Variants in SLC10A1 observed in about 807,000 individuals in gnomAD.
SLC10A1 encodes hepatic sodium/bile acid cotransporter.
In SLC10A1, 36 loss-of-function variants were observed where a neutral mutation model predicts 20.5. That is an observed-to-expected ratio of 1.75 (90% CI 1.34 to 2.32). The LOEUF (loss-of-function observed/expected upper bound fraction) is 2.32. SLC10A1 is among the 30% of genes most tolerant of loss of function. The pLI, the probability that SLC10A1 is intolerant of heterozygous loss-of-function variation, is 0.00. For synonymous variants in SLC10A1, 188 were observed against 163.6 expected (o/e 1.15, Z -1.14); for missense variants, 545 against 439.1 (o/e 1.24, Z -2.16).
At chr14:69,795,982 G>C (rs987076191) in intron 1 of SLC10A1, among the ~76,000 whole-genome samples, 3 of 152,178 alleles carry the variant, frequency 2.0e-5, no homozygotes, top group African/African-American at 7.2e-5. Flanking sequence ...TTCAGCACAG[G>C]CTGCTGGAGC....
At chr14:69,788,003 T>G (rs1196333397) in intron 1 of SLC10A1, among the ~76,000 whole-genome samples, 1 of 151,820 alleles carries the variant, frequency 6.6e-6, no homozygotes, top group Non-Finnish European at 1.5e-5. Context: ...GAGGTTACAG[T>G]GAGCTATGTT....
intron 2 of SLC10A1, among the ~76,000 whole-genome samples, chr14:69,783,302 A>G (rs1001692323): frequency 2.0e-5 from 3 of 152,188 alleles, no homozygotes; most frequent in Non-Finnish European, 4.4e-5. Flanking sequence ...TTGCTTCTTG[A>G]TAAATGAGTG....
intron 2 of SLC10A1, among the ~76,000 whole-genome samples, chr14:69,781,898 C>G (rs1010895722): frequency 1.3e-5 from 2 of 152,206 alleles, no homozygotes; most frequent in Non-Finnish European, 2.9e-5. Flanking sequence ...TGAGCAGATA[C>G]CTGCTGCCAG....
At position 69,786,215 on chromosome 14, in the gene SLC10A1, A is replaced by G. The variant is rs200638013; in HGVS notation, c.449T>C (p.Leu150Pro). ...IYSRGIYDGDLKDKVPYKGIV... is the reference protein window; with the variant it reads ...IYSRGIYDGDPKDKVPYKGIV... ...GCCTTTATAGGGCACCTTGTCCTTC[A>G]GGTCCCCATCATAGATCCCCCTGGA... The change falls in exon 2 of 5, where the codon CTG becomes CCG. Residue 150 changes from leucine to proline, a missense_variant. Leu to Pro is a moderately conservative substitution (Grantham distance 98, BLOSUM62 -3). Transcript: ENST00000216540. 1 of 1,614,016 alleles carries G rather than the reference A, an allele frequency of 6.2e-7. No homozygotes were observed. The highest frequency in any genetic ancestry group is 8.5e-7 in the Non-Finnish European group (1 of 1,179,936).
chr14:69,778,837 A>C (rs1335157945), intron 3 of SLC10A1, among the ~76,000 whole-genome samples: 1 of 152,168 alleles, frequency 6.6e-6, no homozygotes, highest in Non-Finnish European at 1.5e-5. Flanking sequence ...AGACTAGGAC[A>C]AGAATGAAGC....
chr14:69,785,512 C>G (rs1197727709), intron 2 of SLC10A1, among the ~76,000 whole-genome samples: 1 of 152,136 alleles, frequency 6.6e-6, no homozygotes, highest in Non-Finnish European at 1.5e-5. Context: ...TTCCCATCTC[C>G]TTGCCTTCTG....
Position 69,791,247 on chromosome 14 carries a change from T to C in SLC10A1, c.357-4940A>G, listed in dbSNP as rs562467879. ...AGACTTATAATTTTTTTTGTAGACT[T>C]GAAAGGTGATACTGAAACTCAAGTG... is the stretch of plus-strand genomic sequence containing the variant. On this transcript the variant is annotated intron_variant, in intron 1 of 4. Coordinates refer to ENST00000216540, the MANE Select transcript of SLC10A1 (RefSeq NM_003049.4). Among the ~76,000 whole-genome samples, 14 of 152,156 alleles carry C rather than the reference T, an allele frequency of 9.2e-5. No homozygotes were observed. In the East Asian group the frequency reaches 2.7e-3, roughly 29 times the overall value.
At chr14:69,785,591 C>CT (rs541758842) in intron 2 of SLC10A1, among the ~76,000 whole-genome samples, 4,166 of 130,456 alleles carry the variant, frequency 0.032, 97 homozygotes, top group African/African-American at 0.067. Context: ...TCTTTCTTTT[C>CT]TTTTTTTTTT....
chr14:69,791,820 A>G (rs1241429850), intron 1 of SLC10A1, among the ~76,000 whole-genome samples: 4 of 152,264 alleles, frequency 2.6e-5, no homozygotes, highest in African/African-American at 9.6e-5. Flanking sequence ...TTTGTATGGA[A>G]AAGATAAAAT....
intron 1 of SLC10A1, 112 bp from the exon 2 acceptor site, chr14:69,786,419 G>T: frequency 1.3e-6 from 1 of 781,090 alleles, no homozygotes; most frequent in Non-Finnish European, 2.2e-6. Context: ...TGTGGCTTCA[G>T]TTCCTTTTCC....
rs1474876880 is a variant in SLC10A1 at position 69,779,162 on chromosome 14, A to T, written c.746+20T>A. On this transcript the variant is annotated intron_variant, in intron 3 of 4. Transcript: ENST00000216540. The stretch of plus-strand genomic sequence containing the variant: ...GGCAACAGAGTGAGACCCTTTCTTA[A>T]AAAAAAAAAAAATACCTACCGTCCA... 19 of 995,592 alleles carry T rather than the reference A, an allele frequency of 1.9e-5. No individual in the cohort carries two copies. In the African/African-American group the frequency reaches 2.7e-4, roughly 14 times the overall value. The allele number at this position is 995,592 out of a possible 1,614,324, so 61.7% of individuals were successfully genotyped here.
chr14:69,783,182 G>A (rs909187276), intron 2 of SLC10A1, among the ~76,000 whole-genome samples: 1 of 152,176 alleles, frequency 6.6e-6, no homozygotes, highest in Non-Finnish European at 1.5e-5. Flanking sequence ...GTGTGGAAGA[G>A]CAGCAGACAG....
chr14:69,791,541 C>A (rs1355751912), intron 1 of SLC10A1, among the ~76,000 whole-genome samples: 1 of 152,176 alleles, frequency 6.6e-6, no homozygotes, highest in Non-Finnish European at 1.5e-5. Flanking sequence ...ACCTCGTGAT[C>A]GGCCAGCCTT....
chr14:69,779,142 C>CA (rs1279351661), intron 3 of SLC10A1, 40 bp downstream of exon 3: 1 of 1,472,794 alleles, frequency 6.8e-7, no homozygotes, highest in Non-Finnish European at 9.1e-7. Flanking sequence ...GCCTGGGCAA[C>CA]AGAGTGAGAC....
At chr14:69,777,609 A>ATT (rs1209960018) in intron 4 of SLC10A1, among the ~76,000 whole-genome samples, 822 of 79,642 alleles carry the variant, frequency 0.01, 44 homozygotes, top group Admixed American at 0.037. Context: ...TTTTTTTAAA[A>ATT]TTGGTGTTAA....
intron 1 of SLC10A1, among the ~76,000 whole-genome samples, chr14:69,794,337 T>G (rs1043791861): frequency 2.0e-5 from 3 of 152,238 alleles, no homozygotes; most frequent in African/African-American, 7.2e-5. Flanking sequence ...TGTCTGCCCA[T>G]GCCTTTGAGG....
intron 2 of SLC10A1, among the ~76,000 whole-genome samples, chr14:69,783,438 G>A (rs1883643544): frequency 6.6e-6 from 1 of 152,192 alleles, no homozygotes; most frequent in Admixed American, 6.5e-5. Context: ...GTTAAGGAAG[G>A]CTTCCTGGGG....
At chr14:69,792,605 T>G (rs761959047) in intron 1 of SLC10A1, among the ~76,000 whole-genome samples, 1 of 152,180 alleles carries the variant, frequency 6.6e-6, no homozygotes, top group African/African-American at 2.4e-5. Flanking sequence ...ACGTGTGAAG[T>G]GAACAATGAC....
chr14:69,786,838 T>C (rs1368233328), intron 1 of SLC10A1, among the ~76,000 whole-genome samples: 1 of 152,220 alleles, frequency 6.6e-6, no homozygotes, highest in Non-Finnish European at 1.5e-5. Context: ...TCAGCACATT[T>C]TACCTCGTGG....
Sources: gnomAD v4.1 joint callset for allele counts (sites outside exome capture counted in the v4.1 genomes callset) on GRCh38, gnomAD v4.1.1 for gene constraint, MANE v1.5 for transcripts, NCBI Gene and HGNC (gene_info 2026-07-23, HGNC 2026-07-21) for gene names.